Variants in SETBP1 observed in about 807,000 individuals in gnomAD.
The protein encoded by SETBP1 is SET-binding protein.
SETBP1 carries 9 observed loss-of-function variants against 101.0 expected under a neutral mutation model. The observed-to-expected ratio is 0.09, with a 90% CI of 0.05 to 0.16. SETBP1 has a LOEUF of 0.16. Among genes scored for constraint, SETBP1 ranks in the 10% least tolerant of loss-of-function variants. The pLI is 1.00. For synonymous variants in SETBP1, 818 were observed against 788.5 expected (o/e 1.04, Z -0.63); for missense variants, 1,858 against 2,033.8 (o/e 0.91, Z 1.66).
At chr18:44,980,793 AG>A (rs1347654899) in intron 4 of SETBP1, among the ~76,000 whole-genome samples, 1 of 152,174 alleles carries the variant, frequency 6.6e-6, no homozygotes, top group Non-Finnish European at 1.5e-5. Flanking sequence ...CATGTGTAGC[AG>A]GGTAAGAGGT....
At chr18:45,049,813 T>C (rs1386648318) in intron 5 of SETBP1, among the ~76,000 whole-genome samples, 1 of 152,162 alleles carries the variant, frequency 6.6e-6, no homozygotes, top group Non-Finnish European at 1.5e-5. Context: ...TTATGGAATT[T>C]AGGGGGTTGG....
chr18:44,905,360 G>T (rs2070148880), intron 3 of SETBP1, among the ~76,000 whole-genome samples: 1 of 152,120 alleles, frequency 6.6e-6, no homozygotes, highest in African/African-American at 2.4e-5. Context: ...TTTCTGGAGG[G>T]TTACAGAAGC....
intron 1 of SETBP1, among the ~76,000 whole-genome samples, chr18:44,691,265 C>T (rs1428977847): frequency 1.3e-5 from 2 of 152,260 alleles, no homozygotes; most frequent in East Asian, 3.9e-4. Flanking sequence ...AAAATGAGGA[C>T]AAGATCTTCT....
At chr18:44,968,033 A>G (rs1448019859) in intron 4 of SETBP1, among the ~76,000 whole-genome samples, 1 of 152,170 alleles carries the variant, frequency 6.6e-6, no homozygotes, top group Admixed American at 6.6e-5. Context: ...AAAAACATTA[A>G]TTCTAGAACT....
chr18:44,795,758 C>A (rs141505808), intron 2 of SETBP1, among the ~76,000 whole-genome samples: 1 of 152,258 alleles, frequency 6.6e-6, no homozygotes, highest in Admixed American at 6.5e-5. Flanking sequence ...TACATACATA[C>A]ACATGTGGCC....
chr18:44,717,361 A>G (rs888148541), intron 2 of SETBP1, among the ~76,000 whole-genome samples: 4 of 152,244 alleles, frequency 2.6e-5, no homozygotes, highest in South Asian at 2.1e-4. Context: ...AGAAAGCTGT[A>G]TAAGATCTGC....
chr18:44,864,105 G>A (rs2069077057), intron 2 of SETBP1, among the ~76,000 whole-genome samples: 1 of 152,116 alleles, frequency 6.6e-6, no homozygotes, highest in African/African-American at 2.4e-5. Flanking sequence ...TGGGGCAGGA[G>A]GACAGAGGGG....
rs79472638 is a variant in SETBP1, at chr18:44,815,652, C to G, written c.487-53578C>G. Among the ~76,000 whole-genome samples, 934 of 152,314 alleles carry G rather than the reference C, an allele frequency of 6.1e-3. 11 individuals carry two copies. Among genetic ancestry groups the G allele is most frequent in the African/African-American group, 0.021 (873 of 41,560 alleles). On this transcript the variant is annotated intron_variant, in intron 2 of 5. Transcript: ENST00000649279. ...GGAGGATGCAGGGCAAGTGATAGGA[C>G]TCATGTATTAACAGTGAGGCTGCAG...
At chr18:44,773,253 G>T (rs1019548425) in intron 2 of SETBP1, among the ~76,000 whole-genome samples, 4 of 152,218 alleles carry the variant, frequency 2.6e-5, no homozygotes, top group African/African-American at 4.8e-5. Flanking sequence ...GGCATGCACA[G>T]TTTTTCTCTC....
intron 4 of SETBP1, among the ~76,000 whole-genome samples, chr18:44,958,792 A>G (rs2071548256): frequency 6.6e-6 from 1 of 152,112 alleles, no homozygotes; most frequent in Non-Finnish European, 1.5e-5. Context: ...TTTCCAGGCT[A>G]TCTCTGGGGA....
intron 2 of SETBP1, among the ~76,000 whole-genome samples, chr18:44,814,570 A>C (rs2071936633): frequency 6.6e-6 from 1 of 152,196 alleles, no homozygotes; most frequent in South Asian, 2.1e-4. Context: ...AGCCAAGACT[A>C]AATAAAATTC....
chr18:44,909,486 A>T (rs2070252627), intron 3 of SETBP1, among the ~76,000 whole-genome samples: 1 of 152,220 alleles, frequency 6.6e-6, no homozygotes. Context: ...TTTCTCATTC[A>T]GTCTGTCCTC....
At chr18:44,682,081 T>G (rs1442147067) in intron 1 of SETBP1, among the ~76,000 whole-genome samples, 1 of 152,204 alleles carries the variant, frequency 6.6e-6, no homozygotes, top group Non-Finnish European at 1.5e-5. Context: ...CTTCATCCTG[T>G]TTTTCTTCTT....
At chr18:44,787,681 C>T (rs1233349636) in intron 2 of SETBP1, among the ~76,000 whole-genome samples, 5 of 143,430 alleles carry the variant, frequency 3.5e-5, no homozygotes, top group Admixed American at 1.4e-4. Context: ...GGTGAAGCCC[C>T]GTCTCTACTA....
intron 3 of SETBP1, among the ~76,000 whole-genome samples, chr18:44,901,835 A>G (rs1357733017): frequency 6.6e-6 from 1 of 152,244 alleles, no homozygotes; most frequent in Non-Finnish European, 1.5e-5. Context: ...ATGTTTAACC[A>G]TTAAGGTTCT....
At chr18:44,758,642 A>T (rs899713276) in intron 2 of SETBP1, among the ~76,000 whole-genome samples, 1 of 151,986 alleles carries the variant, frequency 6.6e-6, no homozygotes, top group African/African-American at 2.4e-5. Flanking sequence ...TTGACCTCCC[A>T]AAGTGCTGGG....
intron 4 of SETBP1, among the ~76,000 whole-genome samples, chr18:45,022,713 C>T (rs1198775132): frequency 6.6e-6 from 1 of 152,122 alleles, no homozygotes; most frequent in Non-Finnish European, 1.5e-5. Context: ...GCCTGTAATC[C>T]CAGCTACATG....
intron 4 of SETBP1, among the ~76,000 whole-genome samples, chr18:45,005,803 C>A (rs149036780): frequency 6.6e-6 from 1 of 150,738 alleles, no homozygotes; most frequent in Non-Finnish European, 1.5e-5. Flanking sequence ...CCTGCCACCA[C>A]GCCCGGCTAA....
chr18:44,846,592 G>T (rs1369307488), intron 2 of SETBP1, among the ~76,000 whole-genome samples: 13 of 152,202 alleles, frequency 8.5e-5, no homozygotes, highest in Admixed American at 8.5e-4. Flanking sequence ...AGGTGATTAG[G>T]CACAGCCAGA....
Sources: gnomAD v4.1 joint callset for allele counts (sites outside exome capture counted in the v4.1 genomes callset) on GRCh38, gnomAD v4.1.1 for gene constraint, MANE v1.5 for transcripts, NCBI Gene and HGNC (gene_info 2026-07-23, HGNC 2026-07-21) for gene names.